The following CNMD variants were observed in gnomAD, a reference collection of about 807,000 sequenced individuals.
CNMD encodes the protein leukocyte cell-derived chemotaxin 1.
Under a neutral mutation model 37.5 loss-of-function variants are expected in CNMD, and 30 were observed. The ratio of observed to expected loss-of-function variants is 0.80; its 90% CI spans 0.60 to 1.09. The LOEUF (loss-of-function observed/expected upper bound fraction) is 1.09. CNMD is among the 50% of genes least tolerant of loss of function. The pLI is 0.00. For missense variants in CNMD, 398 were observed against 423.9 expected (o/e 0.94, Z 0.54); for synonymous variants, 167 against 148.2 (o/e 1.13, Z -0.92).
intron 3 of CNMD, among the ~76,000 whole-genome samples, chr13:52,732,623 G>T (rs1329396359): frequency 6.6e-6 from 1 of 152,174 alleles, no homozygotes; most frequent in Non-Finnish European, 1.5e-5. Flanking sequence ...AGAAAAGTAT[G>T]CAAATAGATC....
chr13:52,720,702 G>A (rs118146687), intron 4 of CNMD, among the ~76,000 whole-genome samples: 1 of 152,290 alleles, frequency 6.6e-6, no homozygotes, highest in Non-Finnish European at 1.5e-5. Context: ...GCACCCATCA[G>A]ATGCCAGCCG....
chr13:52,735,836 T>C (rs1594291800), intron 2 of CNMD, among the ~76,000 whole-genome samples: 1 of 149,116 alleles, frequency 6.7e-6, no homozygotes, highest in African/African-American at 2.5e-5. Context: ...CCTTTTTTTT[T>C]TTTTTTTTTT....
At chr13:52,719,139 A>G (rs1039123195) in intron 4 of CNMD, among the ~76,000 whole-genome samples, 1 of 152,230 alleles carries the variant, frequency 6.6e-6, no homozygotes, top group Non-Finnish European at 1.5e-5. Flanking sequence ...ATCAGAGACT[A>G]GGATTGCAAC....
chr13:52,717,690 G>A (rs1964413206), intron 4 of CNMD, among the ~76,000 whole-genome samples: 1 of 152,206 alleles, frequency 6.6e-6, no homozygotes, highest in Non-Finnish European at 1.5e-5. Flanking sequence ...CAGGGATGAA[G>A]CTGACTTGAT....
In CNMD at chr13:52,735,069, T is replaced by A. The variant is rs189127781; in HGVS notation, c.214-1710A>T. On this transcript the variant is annotated intron_variant, in intron 2 of 6. Transcript: ENST00000377962. ...TAGATGTCTGCAATTTACTGTCTCC[T>A]AGGCTTCCCTGATCACAAGAACCAC... 1.5e-3 allele frequency among the ~76,000 whole-genome samples: 235 copies of A among 152,318 alleles called. 1 individual carries two copies. Among genetic ancestry groups the A allele is most frequent in the Non-Finnish European group, 2.7e-3 (183 of 68,020 alleles).
intron 4 of CNMD, among the ~76,000 whole-genome samples, chr13:52,720,878 T>G (rs1033543342): frequency 1.3e-5 from 2 of 152,094 alleles, no homozygotes; most frequent in Non-Finnish European, 2.9e-5. Flanking sequence ...GCAGGGACGT[T>G]TAAGTCTGCT....
At chr13:52,714,804 A>C (rs1964342838) in intron 4 of CNMD, among the ~76,000 whole-genome samples, 1 of 152,082 alleles carries the variant, frequency 6.6e-6, no homozygotes, top group African/African-American at 2.4e-5. Context: ...ATTCACCAAA[A>C]CATTAGCATT....
intron 3 of CNMD, among the ~76,000 whole-genome samples, chr13:52,729,846 T>C (rs959352968): frequency 6.6e-6 from 1 of 152,180 alleles, no homozygotes; most frequent in African/African-American, 2.4e-5. Context: ...ATTATTATTA[T>C]ACTTTAAGTT....
At chr13:52,730,788 T>G (rs758087315) in intron 3 of CNMD, among the ~76,000 whole-genome samples, 2 of 152,188 alleles carry the variant, frequency 1.3e-5, no homozygotes, top group Non-Finnish European at 2.9e-5. Context: ...TCATAAAGTA[T>G]GAATGAACTT....
chr13:52,736,827 C>T (rs1964775497), intron 2 of CNMD, among the ~76,000 whole-genome samples: 1 of 152,172 alleles, frequency 6.6e-6, no homozygotes. Context: ...TGATCTCCTT[C>T]CCTCATCTCA....
intron 4 of CNMD, among the ~76,000 whole-genome samples, chr13:52,715,549 G>A (rs1964362547): frequency 1.3e-5 from 2 of 152,114 alleles, no homozygotes; most frequent in Admixed American, 1.3e-4. Context: ...TCCCCTCCCT[G>A]TGTCCATGTG....
intron 4 of CNMD, among the ~76,000 whole-genome samples, chr13:52,720,067 T>C (rs557895884): frequency 1.3e-5 from 2 of 152,334 alleles, no homozygotes; most frequent in Admixed American, 1.3e-4. Flanking sequence ...ATGCTGTATT[T>C]CATTAAGTTG....
chr13:52,733,908 T>G (rs529319591), intron 2 of CNMD, among the ~76,000 whole-genome samples: 1 of 152,174 alleles, frequency 6.6e-6, no homozygotes, highest in Non-Finnish European at 1.5e-5. Context: ...AGGTATATGG[T>G]ATATGGTATT....
In CNMD at chr13:52,722,239, A is replaced by G. The variant is rs190605968; in HGVS notation, c.468+1758T>C. On this transcript the variant is annotated intron_variant, in intron 4 of 6. Transcript: ENST00000377962. ...TAGAAAAGAGAAAACAGGAAATGGTAGTCAGCTTTACAAACTCACGGGTTT... is the reference window on the plus strand; with the variant it reads ...TAGAAAAGAGAAAACAGGAAATGGTGGTCAGCTTTACAAACTCACGGGTTT... Among the ~76,000 whole-genome samples the G allele has an allele frequency of 3.3e-5, 5 of 152,322 alleles. No individual in the cohort carries two copies. In the East Asian group the frequency reaches 5.8e-4, roughly 18 times the overall value.
At chr13:52,705,653 T>TA (rs1291429760) in intron 6 of CNMD, among the ~76,000 whole-genome samples, 14 of 152,184 alleles carry the variant, frequency 9.2e-5, no homozygotes, top group Non-Finnish European at 2.1e-4. Context: ...TACCCTAAGA[T>TA]ATGTTTTTTA....
rs1265246959 is a variant in CNMD at position 52,728,780 on chromosome 13, G to A, written c.354+4439C>T. Among the ~76,000 whole-genome samples, 3 of 152,288 alleles carry A rather than the reference G, an allele frequency of 2.0e-5. No individual in the cohort carries two copies. The East Asian group carries it at 5.8e-4, about 29-fold the overall frequency. ...CTGAATGATTCGCAGCACTGAATGG[G>A]AATCTAGTGTTAAGTTGGTTCTGAC... On this transcript the variant is annotated intron_variant, in intron 3 of 6. Coordinates refer to ENST00000377962, the MANE Select transcript of CNMD (RefSeq NM_007015.3).
At chr13:52,724,213 G>T in intron 3 of CNMD, 103 bp from the exon 4 acceptor site, 1 of 828,584 alleles carries the variant, frequency 1.2e-6, no homozygotes, top group South Asian at 1.5e-5. Flanking sequence ...CTAGGGATAG[G>T]GATGAACAAA....
At chr13:52,709,546 G>T (rs1445761678) in intron 5 of CNMD, among the ~76,000 whole-genome samples, 2 of 152,222 alleles carry the variant, frequency 1.3e-5, no homozygotes, top group Non-Finnish European at 2.9e-5. Flanking sequence ...AGGGCATCAA[G>T]CCTCAGAAAG....
chr13:52,728,951 A>C (rs140479094), intron 3 of CNMD, among the ~76,000 whole-genome samples: 51 of 152,364 alleles, frequency 3.3e-4, no homozygotes, highest in Non-Finnish European at 5.9e-4. Flanking sequence ...AACTAAAAGA[A>C]GCACAAGAAA....
Sources: allele counts gnomAD v4.1 joint callset (sites outside exome capture counted in the v4.1 genomes callset), GRCh38; gene constraint gnomAD v4.1.1; transcripts MANE v1.5; gene names NCBI Gene and HGNC (gene_info 2026-07-23, HGNC 2026-07-21).